DIP2C: variants seen among roughly 807,000 people sequenced by gnomAD.
DIP2C encodes DIP2 acetate--CoA ligase C (putative).
A neutral mutation model predicts 192.4 loss-of-function variants in DIP2C; 33 were observed. The ratio of observed to expected loss-of-function variants is 0.17; its 90% confidence interval spans 0.13 to 0.23. The LOEUF (loss-of-function observed/expected upper bound fraction) is 0.23, where lower values mean the gene tolerates loss of function less well. DIP2C is among the 10% of genes least tolerant of loss of function. DIP2C has a pLI of 1.00. For missense variants in DIP2C, 1,537 were observed against 2,110.1 expected (o/e 0.73, Z 5.32); for synonymous variants, 979 against 864.1 (o/e 1.13, Z -2.33).
intron 13 of DIP2C, among the ~76,000 whole-genome samples, chr10:388,698 C>T (rs1292460804): frequency 2.0e-5 from 3 of 152,186 alleles, no homozygotes; most frequent in Admixed American, 1.3e-4. Flanking sequence ...GACACACACG[C>T]TGTTTTTAAA....
rs4881219 is a variant in DIP2C at position 389,940 on chromosome 10, G to T, written c.1597+51C>A. On this transcript the variant is annotated intron_variant, in intron 13 of 36. Transcript: ENST00000280886. ...TGGGAGTGATGTGGCCTTCGTGTCA[G>T]GTGTCCCGGTTAGAACCAGGGTCCC... is the stretch of plus-strand genomic sequence containing the variant. 6.9e-6 allele frequency: 10 copies of T among 1,454,926 alleles called. No individual in the cohort carries two copies. In the East Asian group the frequency reaches 1.1e-4, roughly 17 times the overall value. 90.1% of individuals were successfully genotyped at this position (1,454,926 alleles called of 1,614,324 possible).
chr10:400,863 G>T (rs563717159), intron 9 of DIP2C, among the ~76,000 whole-genome samples: 1 of 151,564 alleles, frequency 6.6e-6, no homozygotes, highest in Non-Finnish European at 1.5e-5. Flanking sequence ...GATTTTACAC[G>T]TGTGGCAGCA....
chr10:537,978 C>T (rs1365946493), intron 1 of DIP2C, among the ~76,000 whole-genome samples: 4 of 151,988 alleles, frequency 2.6e-5, no homozygotes, highest in African/African-American at 9.7e-5. Flanking sequence ...TTGGTAGAGA[C>T]AGGGTTTCTC....
intron 6 of DIP2C, among the ~76,000 whole-genome samples, chr10:417,033 A>G (rs1489257686): frequency 1.3e-5 from 2 of 152,372 alleles, no homozygotes; most frequent in Non-Finnish European, 2.9e-5. Flanking sequence ...TTAAGAATTG[A>G]GACATTAAAT....
intron 28 of DIP2C, among the ~76,000 whole-genome samples, chr10:343,098 G>C (rs1406585790): frequency 6.6e-6 from 1 of 152,080 alleles, no homozygotes; most frequent in South Asian, 2.1e-4. Flanking sequence ...GAACATCCTG[G>C]CTAACACAGT....
intron 1 of DIP2C, among the ~76,000 whole-genome samples, chr10:617,138 C>T (rs1588613094): frequency 6.6e-6 from 1 of 152,102 alleles, no homozygotes; most frequent in African/African-American, 2.4e-5. Context: ...CAGGCACTGC[C>T]TCTGTGCCTC....
chr10:500,282 T>C (rs1343581427), intron 1 of DIP2C, among the ~76,000 whole-genome samples: 1 of 152,248 alleles, frequency 6.6e-6, no homozygotes, highest in Non-Finnish European at 1.5e-5. Context: ...TACTTCTGTG[T>C]TCTCTTCCTG....
At chr10:369,702 AG>A (rs1430211803) in intron 17 of DIP2C, 69 bp from the exon 18 acceptor site, 1 of 1,611,022 alleles carries the variant, frequency 6.2e-7, no homozygotes, top group Non-Finnish European at 8.5e-7. Flanking sequence ...ATGTGCAGTC[AG>A]CACACATGCG....
intron 31 of DIP2C, among the ~76,000 whole-genome samples, chr10:311,933 G>A (rs867384336): frequency 1.3e-5 from 2 of 152,114 alleles, no homozygotes; most frequent in South Asian, 2.1e-4. Context: ...TCTGAGGGAC[G>A]CGGGAGTGCA....
intron 1 of DIP2C, among the ~76,000 whole-genome samples, chr10:605,576 G>A (rs1046538218): frequency 6.6e-6 from 1 of 152,150 alleles, no homozygotes; most frequent in African/African-American, 2.4e-5. Context: ...CCCCATTTTA[G>A]ATGGAGTGTG....
chr10:407,318 T>C (rs946446996), intron 9 of DIP2C, among the ~76,000 whole-genome samples: 11 of 152,204 alleles, frequency 7.2e-5, no homozygotes, highest in African/African-American at 2.7e-4. Flanking sequence ...TCCCTTCTAA[T>C]GGGAAATCCA....
At chr10:482,244 C>T (rs1843666000) in intron 2 of DIP2C, among the ~76,000 whole-genome samples, 1 of 152,188 alleles carries the variant, frequency 6.6e-6, no homozygotes, top group East Asian at 1.9e-4. Context: ...GGAACTGAGA[C>T]AAGTCCGTAT....
At chr10:430,557 TTCC>T (rs1407072718) in intron 4 of DIP2C, 4 of 152,248 alleles carry the variant, frequency 2.6e-5, no homozygotes, top group Non-Finnish European at 4.4e-5. Flanking sequence ...CTTTTAAGAG[TTCC>T]TTGTATATTT....
intron 1 of DIP2C, chr10:650,334 A>G (rs762285141): frequency 1.4e-6 from 1 of 716,600 alleles, no homozygotes; most frequent in African/African-American, 1.7e-5. Context: ...ACGCCAGCCC[A>G]CAGCCACTGC....
intron 1 of DIP2C, among the ~76,000 whole-genome samples, chr10:640,777 C>G (rs1855150001): frequency 1.2e-5 from 1 of 85,040 alleles, no homozygotes. Context: ...GGGTGGGCGC[C>G]GGGAAGAGGG....
intron 5 of DIP2C, among the ~76,000 whole-genome samples, chr10:421,997 G>A (rs376688387): frequency 3.9e-5 from 6 of 152,222 alleles, no homozygotes; most frequent in East Asian, 3.9e-4. Flanking sequence ...GGGTGTCTGT[G>A]GGCTATTTAA....
At position 667,212 on chromosome 10, in the gene DIP2C, G is replaced by A. The variant is rs1275822996; in HGVS notation, c.85+22282C>T. The A allele has an allele frequency of 2.0e-5, 3 of 152,394 alleles. No homozygotes were observed. The East Asian group carries it at 5.8e-4, about 29-fold the overall frequency. The allele number at this position is 152,394 out of a possible 1,614,324, so 9.4% of individuals were successfully genotyped here. On this transcript the variant is annotated intron_variant, in intron 1 of 36. Transcript: ENST00000280886. ...CTACTAATAATACAAAAACTAGCCA[G>A]ACGTGGTGGCAGGCACCTGTAATCC...
At chr10:523,663 AC>A (rs1262038830) in intron 1 of DIP2C, among the ~76,000 whole-genome samples, 1 of 144,250 alleles carries the variant, frequency 6.9e-6, no homozygotes, top group African/African-American at 2.7e-5. Flanking sequence ...GATGCAAAGG[AC>A]CCTGGAGTGA....
At chr10:410,149 GTTAT>G (rs1290748386) in intron 8 of DIP2C, among the ~76,000 whole-genome samples, 1 of 152,128 alleles carries the variant, frequency 6.6e-6, no homozygotes, top group Non-Finnish European at 1.5e-5. Context: ...TTAGATTAGT[GTTAT>G]TATTATTTAT....
Sources: gnomAD v4.1 joint callset for allele counts (sites outside exome capture counted in the v4.1 genomes callset) on GRCh38, gnomAD v4.1.1 for gene constraint, MANE v1.5 for transcripts, NCBI Gene and HGNC (gene_info 2026-07-23, HGNC 2026-07-21) for gene names.